The following GLDN variants were observed in gnomAD, a reference collection of about 807,000 sequenced individuals.
GLDN encodes the protein collomin.
Under a neutral mutation model 56.5 loss-of-function variants are expected in GLDN, and 47 were observed. The ratio of observed to expected loss-of-function variants is 0.83; its 90% CI spans 0.66 to 1.06. The LOEUF (loss-of-function observed/expected upper bound fraction) is 1.06. GLDN is among the 50% of genes least tolerant of loss of function. The pLI, the probability that GLDN is intolerant of heterozygous loss-of-function variation, is 0.00. For synonymous variants in GLDN, 332 were observed against 278.8 expected (o/e 1.19, Z -1.90); for missense variants, 782 against 714.3 (o/e 1.09, Z -1.08).
Position 51,407,275 on chromosome 15 carries a change from A to T in GLDN, c.*2521A>T, listed in dbSNP as rs2038404274. On this transcript the variant is annotated 3_prime_UTR_variant, in exon 10 of 10. Coordinates refer to ENST00000335449, the MANE Select transcript of GLDN (RefSeq NM_181789.4). ...TTGTCTTTAAAAGTGAAAAGGATTA[A>T]GATTTTATTCTTTCTTGTAAACATT... is the stretch of plus-strand genomic sequence containing the variant. The T allele has an allele frequency of 6.6e-6, 1 of 152,180 alleles. No individual in the cohort carries two copies. Among genetic ancestry groups the T allele is most frequent in the African/African-American group, 2.4e-5 (1 of 41,436 alleles). 9.4% of individuals were successfully genotyped at this position (152,180 alleles called of 1,614,324 possible).
At chr15:51,412,383 C>G (rs2038476270), downstream of GLDN, among the ~76,000 whole-genome samples, 1 of 152,122 alleles carries the variant, frequency 6.6e-6, no homozygotes, top group Non-Finnish European at 1.5e-5. Context: ...TCAGCAAGTC[C>G]TTTTCTGTTT....
downstream of GLDN, among the ~76,000 whole-genome samples, chr15:51,408,201 C>T (rs184208532): frequency 6.6e-6 from 1 of 152,220 alleles, no homozygotes; most frequent in Admixed American, 6.5e-5. Context: ...AAAACATGAG[C>T]GATGGAAATC....
At chr15:51,352,044 G>T (rs1467459355) in intron 1 of GLDN, among the ~76,000 whole-genome samples, 1 of 152,092 alleles carries the variant, frequency 6.6e-6, no homozygotes, top group African/African-American at 2.4e-5. Context: ...GTTGATTCAG[G>T]CTGCTATAAC....
intron 9 of GLDN, among the ~76,000 whole-genome samples, chr15:51,403,098 G>A (rs1275217421): frequency 1.3e-5 from 2 of 152,226 alleles, no homozygotes; most frequent in Non-Finnish European, 2.9e-5. Context: ...TCAAGGAGGT[G>A]TATCTTCTAA....
chr15:51,383,667 A>G (rs1049484462), intron 3 of GLDN, 118 bp from the exon 4 acceptor site: 11 of 935,238 alleles, frequency 1.2e-5, no homozygotes, highest in Admixed American at 5.7e-5. Flanking sequence ...GTGGGAAAGG[A>G]TGTGGAAAAG....
intron 1 of GLDN, among the ~76,000 whole-genome samples, chr15:51,366,308 A>G (rs944247957): frequency 6.6e-6 from 1 of 152,212 alleles, no homozygotes; most frequent in Admixed American, 6.5e-5. Flanking sequence ...GGCAGCTACC[A>G]TCTAACCAGG....
rs60404846 is a variant in GLDN at position 51,353,734 on chromosome 15, A to AAAAAAAAAAAC, written c.363+11687_363+11688insAAAAAAAAAAC. ...TTGATTAAAAAAAAAAAAAAAAAAAACCACAGTCAATTAAAAAAAAAAAAA... is the reference window on the plus strand; with the variant it reads ...TTGATTAAAAAAAAAAAAAAAAAAAAAAAAAAAAAACCCACAGTCAATTAAAAAAAAAAAAA... On this transcript the variant is annotated intron_variant, in intron 1 of 9. Transcript: ENST00000335449. 3.6e-3 allele frequency among the ~76,000 whole-genome samples: 465 copies of AAAAAAAAAAAC among 128,822 alleles called. 40 individuals are homozygous for AAAAAAAAAAAC. In the East Asian group the frequency reaches 0.088, roughly 24 times the overall value. The allele number at this position is 128,822 out of a possible 152,430, so 84.5% of individuals were successfully genotyped here. A position where few individuals can be genotyped will look rare whatever the true frequency, so the allele number is the denominator to read the frequency against.
chr15:51,376,862 A>G (rs528568464), intron 1 of GLDN, among the ~76,000 whole-genome samples: 3 of 152,276 alleles, frequency 2.0e-5, no homozygotes, highest in Admixed American at 6.5e-5. Context: ...TCCAGGGGCA[A>G]TAACATGCAT....
intron 1 of GLDN, among the ~76,000 whole-genome samples, chr15:51,362,484 T>TAAAA (rs59898719): frequency 3.0e-5 from 4 of 131,846 alleles, no homozygotes; most frequent in African/African-American, 5.4e-5. Context: ...GACTCTGTCT[T>TAAAA]AAAAAAAAAA....
Position 51,404,709 on chromosome 15 carries a change from A to G in GLDN, c.1611A>G (p.Leu537=). 6.2e-7 allele frequency: 1 copy of G among 1,610,682 alleles called. No homozygotes were observed. Among genetic ancestry groups the G allele is most frequent in the Non-Finnish European group, 8.5e-7 (1 of 1,176,912 alleles). ...QHLYSWEDGH[L]MLYPVQFLST... Reference sequence around the variant, plus strand: ...TATATTCATGGGAAGATGGCCATTTAATGCTTTATCCTGTGCAGTTTTTGT... The same window carrying G: ...TATATTCATGGGAAGATGGCCATTTGATGCTTTATCCTGTGCAGTTTTTGT... Residue 537 remains leucine (L), a synonymous_variant, in exon 10 of 10, where the codon TTA becomes TTG. Transcript: ENST00000335449.
At chr15:51,343,946 T>C (rs537972254) in intron 1 of GLDN, among the ~76,000 whole-genome samples, 3 of 152,348 alleles carry the variant, frequency 2.0e-5, no homozygotes, top group East Asian at 3.9e-4. Flanking sequence ...TCGGTGCAGA[T>C]GGTCCAGGCA....
At chr15:51,360,939 T>C (rs538163963) in intron 1 of GLDN, among the ~76,000 whole-genome samples, 37 of 152,366 alleles carry the variant, frequency 2.4e-4, no homozygotes, top group African/African-American at 8.2e-4. Context: ...CATTTGGAGA[T>C]AATGGTCTTA....
At chr15:51,354,784 C>A (rs987003726) in intron 1 of GLDN, among the ~76,000 whole-genome samples, 5 of 152,050 alleles carry the variant, frequency 3.3e-5, no homozygotes, top group Non-Finnish European at 7.3e-5. Flanking sequence ...TGGGAGCCAT[C>A]GTAGAACCTT....
At chr15:51,410,669 A>G (rs1201795018), downstream of GLDN, among the ~76,000 whole-genome samples, 1 of 152,254 alleles carries the variant, frequency 6.6e-6, no homozygotes, top group Non-Finnish European at 1.5e-5. Context: ...AACCTGTTGT[A>G]GAATTGCCAC....
intron 1 of GLDN, among the ~76,000 whole-genome samples, chr15:51,375,283 G>T (rs890619996): frequency 6.6e-6 from 1 of 152,130 alleles, no homozygotes; most frequent in African/African-American, 2.4e-5. Context: ...ATCATGTTTA[G>T]TACAGCTCCC....
intron 1 of GLDN, among the ~76,000 whole-genome samples, chr15:51,356,126 A>G (rs2470170): frequency 0.22 from 33,352 of 151,198 alleles, 4,089 homozygotes; most frequent in East Asian, 0.5. Context: ...GGACTGTCTT[A>G]AACCCGGGAG....
At chr15:51,370,786 G>T (rs1232951804) in intron 1 of GLDN, among the ~76,000 whole-genome samples, 1 of 152,180 alleles carries the variant, frequency 6.6e-6, no homozygotes, top group Non-Finnish European at 1.5e-5. Flanking sequence ...GAGGTCAGGA[G>T]TTCCAGACCA....
At chr15:51,400,163 G>A (rs16964341) in intron 6 of GLDN, 29 bp from the exon 7 acceptor site, 30 of 1,599,234 alleles carry the variant, frequency 1.9e-5, no homozygotes, top group Middle Eastern at 1.7e-4. Context: ...CAACCGTATC[G>A]GCTCTGATGA....
intron 1 of GLDN, among the ~76,000 whole-genome samples, chr15:51,370,558 G>A (rs186345674): frequency 8.3e-4 from 126 of 152,082 alleles, no homozygotes; most frequent in African/African-American, 2.8e-3. Context: ...GGGGGTAATC[G>A]TGAGAACATG....
Sources: allele counts gnomAD v4.1 joint callset (sites outside exome capture counted in the v4.1 genomes callset), GRCh38; gene constraint gnomAD v4.1.1; transcripts MANE v1.5; gene names NCBI Gene and HGNC (gene_info 2026-07-23, HGNC 2026-07-21).